HOOK3: variants seen among roughly 807,000 people sequenced by gnomAD.
The protein encoded by HOOK3 is protein Hook homolog 3.
HOOK3 carries 24 observed loss-of-function variants against 116.3 expected under a neutral mutation model. The observed-to-expected ratio is 0.21, with a 90% CI of 0.15 to 0.29. HOOK3 has a LOEUF of 0.29. Among genes scored for constraint, HOOK3 ranks in the 10% least tolerant of loss-of-function variants. The pLI is 1.00. For synonymous variants in HOOK3, 275 were observed against 283.0 expected, an observed-to-expected ratio of 0.97 and a Z score of 0.28; for missense variants, 632 against 830.2, an observed-to-expected ratio of 0.76 and a Z score of 2.93.
chr8:42,981,883 CAAA>C (rs11348838), intron 13 of HOOK3, among the ~76,000 whole-genome samples: 19 of 108,110 alleles, frequency 1.8e-4, no homozygotes, highest in Admixed American at 3.8e-4. Context: ...GACTCTGTCT[CAAA>C]AAAAAAAAAA....
chr8:42,931,347 T>C (rs1407656547), intron 4 of HOOK3, among the ~76,000 whole-genome samples: 1 of 152,078 alleles, frequency 6.6e-6, no homozygotes, highest in Admixed American at 6.5e-5. Flanking sequence ...GTTTATTCCC[T>C]TTAATCCTGG....
At chr8:42,912,419 G>A (rs959930810) in intron 2 of HOOK3, among the ~76,000 whole-genome samples, 1 of 152,062 alleles carries the variant, frequency 6.6e-6, no homozygotes, top group Non-Finnish European at 1.5e-5. Context: ...AAAATTGATA[G>A]ACTTTTTAAG....
intron 8 of HOOK3, among the ~76,000 whole-genome samples, chr8:42,961,751 C>T (rs1463396880): frequency 6.6e-6 from 1 of 152,004 alleles, no homozygotes; most frequent in African/African-American, 2.4e-5. Flanking sequence ...GTTATAAGCC[C>T]CTTTGCTTTG....
rs1159381677 is a variant in HOOK3 at position 42,994,737 on chromosome 8, G to A, written c.1533-2813G>A. On this transcript the variant is annotated intron_variant, in intron 15 of 21. Transcript: ENST00000307602. ...TTCATAAATATTTTCTTATATTTAT[G>A]TTGCTTACATACTGCATACTTTAAC... 2.0e-5 allele frequency among the ~76,000 whole-genome samples: 3 copies of A among 151,984 alleles called. No homozygotes were observed. The East Asian group carries it at 5.8e-4, about 29-fold the overall frequency.
At chr8:42,918,410 T>G (rs1441426774) in intron 2 of HOOK3, among the ~76,000 whole-genome samples, 2 of 152,146 alleles carry the variant, frequency 1.3e-5, no homozygotes, top group Non-Finnish European at 2.9e-5. Context: ...ATTTAGGTGT[T>G]TTTTTTAACA....
In HOOK3 at chr8:43,021,558, C is replaced by T. The variant is rs1809829337; in HGVS notation, c.*3060C>T. ...CCTCGTGATCTACCCACCTCGGCCT[C>T]CCAAAGTGCTGAGATTACAGGCACG... On this transcript the variant is annotated 3_prime_UTR_variant, in exon 22 of 22. Transcript: ENST00000307602. 5.6e-6 allele frequency: 1 copy of T among 178,374 alleles called. No homozygotes were observed. The allele number at this position is 178,374 out of a possible 1,614,324, so 11.0% of individuals were successfully genotyped here. A position where few individuals can be genotyped will look rare whatever the true frequency, so the allele number is the denominator to read the frequency against.
chr8:42,953,476 A>C (rs1808379618), intron 6 of HOOK3, among the ~76,000 whole-genome samples: 1 of 151,788 alleles, frequency 6.6e-6, no homozygotes, highest in South Asian at 2.1e-4. Context: ...AGGCAGGAGA[A>C]TGGCTTCAAT....
intron 17 of HOOK3, 135 bp downstream of exon 17, chr8:43,002,276 A>C: frequency 1.7e-6 from 1 of 586,742 alleles, no homozygotes; most frequent in Non-Finnish European, 3.1e-6. Context: ...ATATTATGAG[A>C]GTCTGAAGGG....
intron 13 of HOOK3, among the ~76,000 whole-genome samples, chr8:42,979,743 A>C (rs1808898490): frequency 6.6e-6 from 1 of 152,038 alleles, no homozygotes; most frequent in African/African-American, 2.4e-5. Flanking sequence ...TATTCTCTTT[A>C]CCGTTTCTAG....
At chr8:42,917,186 C>T (rs1290092592) in intron 2 of HOOK3, among the ~76,000 whole-genome samples, 1 of 152,174 alleles carries the variant, frequency 6.6e-6, no homozygotes, top group Non-Finnish European at 1.5e-5. Flanking sequence ...GGAAAAGAAG[C>T]ATATGGCAGA....
At chr8:42,963,260 G>A (rs977732297) in intron 8 of HOOK3, among the ~76,000 whole-genome samples, 2 of 152,090 alleles carry the variant, frequency 1.3e-5, no homozygotes, top group South Asian at 2.1e-4. Context: ...ATGCTTACTG[G>A]TTGAGCATCC....
At chr8:42,986,427 A>C (rs1041577697) in intron 14 of HOOK3, among the ~76,000 whole-genome samples, 2 of 152,226 alleles carry the variant, frequency 1.3e-5, no homozygotes, top group Non-Finnish European at 2.9e-5. Flanking sequence ...TTTATGACAA[A>C]TCATGATATT....
At chr8:42,967,496 C>T (rs978119263) in intron 10 of HOOK3, among the ~76,000 whole-genome samples, 9 of 152,144 alleles carry the variant, frequency 5.9e-5, no homozygotes, top group African/African-American at 1.9e-4. Flanking sequence ...TTCTGGCCTA[C>T]GCGGGGACTG....
At chr8:42,919,533 G>C (rs1807607811) in intron 2 of HOOK3, among the ~76,000 whole-genome samples, 1 of 152,124 alleles carries the variant, frequency 6.6e-6, no homozygotes. Flanking sequence ...TCACTTCCTA[G>C]ACGGGGTGGC....
At chr8:42,970,782 CTTTTTT>C (rs764513803) in intron 11 of HOOK3, among the ~76,000 whole-genome samples, 2 of 93,890 alleles carry the variant, frequency 2.1e-5, no homozygotes, top group East Asian at 5.5e-4. Context: ...GAATTTGGGT[CTTTTTT>C]TTTTTTTTTT....
intron 5 of HOOK3, among the ~76,000 whole-genome samples, chr8:42,947,102 A>C (rs1808245332): frequency 6.6e-6 from 1 of 152,090 alleles, no homozygotes; most frequent in Middle Eastern, 3.2e-3. Context: ...TAGTTTGCTT[A>C]TTCAGTTTAG....
At chr8:43,012,672 T>C (rs1286725002) in intron 19 of HOOK3, among the ~76,000 whole-genome samples, 1 of 152,118 alleles carries the variant, frequency 6.6e-6, no homozygotes, top group Non-Finnish European at 1.5e-5. Flanking sequence ...TGATCTCAGC[T>C]CACTGCAGCC....
intron 2 of HOOK3, among the ~76,000 whole-genome samples, chr8:42,912,351 C>A (rs901107122): frequency 1.3e-5 from 2 of 148,880 alleles, no homozygotes; most frequent in Non-Finnish European, 3.0e-5. Context: ...AATTTTATTG[C>A]TGTTGACATC....
chr8:42,943,570 C>A, intron 5 of HOOK3, 125 bp downstream of exon 5: 1 of 530,496 alleles, frequency 1.9e-6, no homozygotes, highest in Non-Finnish European at 2.9e-6. Context: ...CCAAAGAATG[C>A]CATTTTCTAC....
Sources: gnomAD v4.1 joint callset for allele counts (sites outside exome capture counted in the v4.1 genomes callset) on GRCh38, gnomAD v4.1.1 for gene constraint, MANE v1.5 for transcripts, NCBI Gene and HGNC (gene_info 2026-07-23, HGNC 2026-07-21) for gene names.